The following RNF217 variants were observed in gnomAD, a reference collection of about 807,000 sequenced individuals.
RNF217 encodes the protein ring finger protein 217.
In RNF217, 31 loss-of-function variants were observed where a neutral mutation model predicts 57.8. That is an observed-to-expected ratio of 0.54 (90% CI 0.40 to 0.72). RNF217 has a LOEUF of 0.72. Among genes scored for constraint, RNF217 ranks in the 30% least tolerant of loss-of-function variants. The pLI is 0.00. For missense variants in RNF217, 696 were observed against 708.3 expected (o/e 0.98, Z 0.20); for synonymous variants, 313 against 294.0 (o/e 1.06, Z -0.66).
chr6:124,990,971 G>A (rs571576461), intron 1 of RNF217, among the ~76,000 whole-genome samples: 2 of 152,272 alleles, frequency 1.3e-5, no homozygotes, highest in Non-Finnish European at 2.9e-5. Flanking sequence ...CGAGAGGGAG[G>A]TGGGAAGATC....
intron 2 of RNF217, among the ~76,000 whole-genome samples, chr6:125,053,343 G>T (rs1449721472): frequency 6.6e-6 from 1 of 152,098 alleles, no homozygotes; most frequent in Admixed American, 6.6e-5. Flanking sequence ...ACTTGAAGGT[G>T]CCCAATAAAT....
At chr6:125,042,927 T>G (rs115215221) in intron 1 of RNF217, among the ~76,000 whole-genome samples, 4,220 of 152,176 alleles carry the variant, frequency 0.028, 217 homozygotes, top group African/African-American at 0.097. Context: ...ATGTACTGCT[T>G]CCCAATAACA....
At chr6:124,991,201 C>T (rs1312561852) in intron 1 of RNF217, among the ~76,000 whole-genome samples, 2 of 152,204 alleles carry the variant, frequency 1.3e-5, no homozygotes, top group East Asian at 3.9e-4. Flanking sequence ...TTTCTGACCT[C>T]TCTGACTCCA....
intron 1 of RNF217, among the ~76,000 whole-genome samples, chr6:125,022,293 G>A (rs1327269652): frequency 6.6e-6 from 1 of 152,166 alleles, no homozygotes; most frequent in East Asian, 1.9e-4. Flanking sequence ...CAACAGTTAT[G>A]TAAAATTTAT....
rs1208275144 is a variant in RNF217, at chr6:125,091,437, T to A, written c.*8500T>A. On this transcript the variant is annotated 3_prime_UTR_variant, in exon 6 of 6. Coordinates refer to ENST00000521654, the MANE Select transcript of RNF217 (RefSeq NM_001286398.3). ...TAAGGAGAAAGCATATCTTTAGGGA[T>A]GTATATAGGCTGCGTTTGCTACCTT... is the stretch of plus-strand genomic sequence containing the variant. 6.6e-6 allele frequency: 1 copy of A among 152,146 alleles called. No individual in the cohort carries two copies. The highest frequency in any genetic ancestry group is 1.5e-5 in the Non-Finnish European group (1 of 67,968). 9.4% of individuals were successfully genotyped at this position (152,146 alleles called of 1,614,324 possible). A position where few individuals can be genotyped will look rare whatever the true frequency, so the allele number is the denominator to read the frequency against.
intron 1 of RNF217, among the ~76,000 whole-genome samples, chr6:124,985,123 A>C (rs955163727): frequency 6.6e-6 from 1 of 152,232 alleles, no homozygotes; most frequent in Non-Finnish European, 1.5e-5. Flanking sequence ...ATAGTGTCTC[A>C]CACTTAAAAG....
chr6:125,004,509 G>A (rs1170776869), intron 1 of RNF217, among the ~76,000 whole-genome samples: 1 of 152,114 alleles, frequency 6.6e-6, no homozygotes, highest in African/African-American at 2.4e-5. Flanking sequence ...ATAACTGTCT[G>A]GCAAATTAAA....
At chr6:125,008,511 C>T (rs1203753204) in intron 1 of RNF217, among the ~76,000 whole-genome samples, 1 of 152,088 alleles carries the variant, frequency 6.6e-6, no homozygotes, top group Non-Finnish European at 1.5e-5. Flanking sequence ...CAGCACAGTC[C>T]AGGCCTTGGT....
At chr6:125,065,270 A>G (rs927930029) in intron 3 of RNF217, among the ~76,000 whole-genome samples, 1 of 147,682 alleles carries the variant, frequency 6.8e-6, no homozygotes, top group African/African-American at 2.6e-5. Context: ...CAGCCTTGGC[A>G]GCAGAGTGAG....
chr6:124,968,388 C>T (rs1303037833), intron 1 of RNF217, among the ~76,000 whole-genome samples: 1 of 152,014 alleles, frequency 6.6e-6, no homozygotes, highest in Admixed American at 6.6e-5. Flanking sequence ...CATTTGCTTT[C>T]ATGCCTTACT....
intron 1 of RNF217, among the ~76,000 whole-genome samples, chr6:124,978,517 G>T (rs1169586319): frequency 6.6e-6 from 1 of 151,912 alleles, no homozygotes; most frequent in Non-Finnish European, 1.5e-5. Context: ...GTTCTCGCTT[G>T]TGGAGTCCCA....
At chr6:124,995,364 T>A (rs1220883458) in intron 1 of RNF217, among the ~76,000 whole-genome samples, 1 of 152,224 alleles carries the variant, frequency 6.6e-6, no homozygotes, top group Non-Finnish European at 1.5e-5. Flanking sequence ...CTAAACAATG[T>A]CCTGGATTTT....
rs1350976190 is a variant in RNF217 at position 124,963,360 on chromosome 6, C to T, written c.816C>T (p.Ile272=). The T allele has an allele frequency of 3.9e-6, 6 of 1,528,152 alleles. No individual in the cohort carries two copies. The highest frequency in any genetic ancestry group is 2.4e-5 in the East Asian group (1 of 40,866). 94.7% of individuals were successfully genotyped at this position (1,528,152 alleles called of 1,614,324 possible). Residue 272 remains isoleucine (I), a synonymous_variant, in exon 1 of 6, where the codon ATC becomes ATT. Transcript: ENST00000521654. The part of the protein sequence containing the change: ...MCRVCLEDKP[I]KPLPCCKKAV... ...GGGTGTGCCTGGAAGACAAGCCCAT[C>T]AAGCCCCTGCCTTGCTGCAAGAAGG... is the stretch of plus-strand genomic sequence containing the variant.
chr6:124,970,498 A>G (rs986562131), intron 1 of RNF217, among the ~76,000 whole-genome samples: 1 of 152,192 alleles, frequency 6.6e-6, no homozygotes, highest in South Asian at 2.1e-4. Flanking sequence ...GATGAGGAAT[A>G]GTGTAGGAGG....
intron 3 of RNF217, among the ~76,000 whole-genome samples, chr6:125,064,149 C>CTT (rs1453636497): frequency 6.6e-6 from 1 of 152,118 alleles, no homozygotes; most frequent in Non-Finnish European, 1.5e-5. Flanking sequence ...CATTCAGAGG[C>CTT]TGACTACTTT....
At position 125,087,643 on chromosome 6, in the gene RNF217, T is replaced by C. The variant is rs1351031692; in HGVS notation, c.*4706T>C. 1.3e-5 allele frequency: 2 copies of C among 152,150 alleles called. No homozygotes were observed. Among genetic ancestry groups the C allele is most frequent in the East Asian group, 3.8e-4 (2 of 5,200 alleles). 9.4% of individuals were successfully genotyped at this position (152,150 alleles called of 1,614,324 possible). A position where few individuals can be genotyped will look rare whatever the true frequency, so the allele number is the denominator to read the frequency against. On this transcript the variant is annotated 3_prime_UTR_variant, in exon 6 of 6. Transcript: ENST00000521654. ...ACAGTGTTAGCAAATATGTGTCATCTCTTTAAATTTGGGAGGAATCAGAAG... is the reference window on the plus strand; with the variant it reads ...ACAGTGTTAGCAAATATGTGTCATCCCTTTAAATTTGGGAGGAATCAGAAG...
At chr6:125,015,476 A>G (rs570465237) in intron 1 of RNF217, among the ~76,000 whole-genome samples, 1 of 152,236 alleles carries the variant, frequency 6.6e-6, no homozygotes, top group East Asian at 1.9e-4. Context: ...AATGGTAGAG[A>G]TTAGTTACAT....
At chr6:125,049,824 G>A (rs1198258592) in intron 2 of RNF217, among the ~76,000 whole-genome samples, 3 of 151,924 alleles carry the variant, frequency 2.0e-5, no homozygotes, top group East Asian at 1.9e-4. Context: ...GCAGAAAGGA[G>A]GGGTAAAATT....
intron 2 of RNF217, among the ~76,000 whole-genome samples, chr6:125,057,391 A>G (rs1197491400): frequency 2.0e-5 from 3 of 152,150 alleles, no homozygotes; most frequent in South Asian, 4.1e-4. Context: ...CATGTTGGCC[A>G]GGCTGGGCTT....
Sources: gnomAD v4.1 joint callset for allele counts (sites outside exome capture counted in the v4.1 genomes callset) on GRCh38, gnomAD v4.1.1 for gene constraint, MANE v1.5 for transcripts, NCBI Gene and HGNC (gene_info 2026-07-23, HGNC 2026-07-21) for gene names.